ANKRD26: variants seen among roughly 807,000 people sequenced by gnomAD.
ANKRD26 encodes ankyrin repeat domain 26, also known as ankyrin repeat domain-containing protein 26.
Under a neutral mutation model 208.7 loss-of-function variants are expected in ANKRD26, and 141 were observed. The observed-to-expected ratio is 0.68, with a 90% CI of 0.59 to 0.78. ANKRD26 has a LOEUF of 0.78. Ranked by LOEUF, ANKRD26 falls within the 30% of genes least tolerant of loss-of-function variation. The pLI is 0.00. For synonymous variants in ANKRD26, 636 were observed against 660.4 expected (o/e 0.96, Z 0.57); for missense variants, 1,889 against 1,938.7 (o/e 0.97, Z 0.48).
At chr10:27,053,965 C>T (rs2054753386) in intron 15 of ANKRD26, among the ~76,000 whole-genome samples, 1 of 152,142 alleles carries the variant, frequency 6.6e-6, no homozygotes, top group Non-Finnish European at 1.5e-5. Context: ...GTACATCACG[C>T]TCCTTACATC....
At chr10:27,047,736 A>ATT (rs1564388452) in intron 17 of ANKRD26, among the ~76,000 whole-genome samples, 11 of 48,824 alleles carry the variant, frequency 2.3e-4, no homozygotes, top group Admixed American at 4.7e-4. Context: ...TAATAATAAT[A>ATT]ATAATTATTA....
intron 1 of ANKRD26, among the ~76,000 whole-genome samples, chr10:27,094,393 T>C (rs1462117039): frequency 6.6e-6 from 1 of 152,182 alleles, no homozygotes; most frequent in South Asian, 2.1e-4. Context: ...GAGCAACCTA[T>C]CTGAATAGAA....
intron 13 of ANKRD26, among the ~76,000 whole-genome samples, 176 bp from the exon 14 acceptor site, chr10:27,060,716 G>GA (rs2055024388): frequency 6.6e-6 from 1 of 151,912 alleles, no homozygotes; most frequent in South Asian, 2.1e-4. Flanking sequence ...GTATACTGGA[G>GA]AAAAAAACAG....
chr10:27,040,443 T>C (rs1447222377), intron 20 of ANKRD26, among the ~76,000 whole-genome samples: 1 of 152,156 alleles, frequency 6.6e-6, no homozygotes, highest in Non-Finnish European at 1.5e-5. Flanking sequence ...GAAACAGAGT[T>C]CTATGACCAC....
chr10:26,991,389 T>C (rs570387199), downstream of ANKRD26, among the ~76,000 whole-genome samples: 1 of 152,266 alleles, frequency 6.6e-6, no homozygotes, highest in African/African-American at 2.4e-5. Flanking sequence ...AAAGATGATT[T>C]TGAGGGCTTC....
chr10:27,043,038 A>G (rs957817591), intron 20 of ANKRD26, among the ~76,000 whole-genome samples: 1 of 151,774 alleles, frequency 6.6e-6, no homozygotes, highest in Non-Finnish European at 1.5e-5. Context: ...TGTTATGCAA[A>G]GACTTCTTAA....
In ANKRD26 at chr10:27,060,538, ACT is replaced by A. The variant is rs2055018044; in HGVS notation, c.1463_1464del (p.Glu488ValfsTer3). On this transcript the variant is annotated frameshift_variant and splice_region_variant, in exon 14 of 34. Coordinates refer to ENST00000376087, the MANE Select transcript of ANKRD26 (RefSeq NM_014915.3). LOFTEE classifies it high-confidence loss of function. ...RNVGMPVAHM[E>X]SPERYLHLKP... ...TTCAAGTGAAGATATCTCTCAGGAG[ACT>A]CTAAAAACCAAAAGGGACATATAAT... is the stretch of plus-strand genomic sequence containing the variant. 6.5e-7 allele frequency: 1 copy of A among 1,530,842 alleles called. No homozygotes were observed. The highest frequency in any genetic ancestry group is 1.4e-5 in the African/African-American group (1 of 72,808). The allele number at this position is 1,530,842 out of a possible 1,614,324, so 94.8% of individuals were successfully genotyped here. A position where few individuals can be genotyped will look rare whatever the true frequency, so the allele number is the denominator to read the frequency against.
At chr10:27,072,546 C>A (rs1172876301) in intron 9 of ANKRD26, among the ~76,000 whole-genome samples, 2 of 152,254 alleles carry the variant, frequency 1.3e-5, no homozygotes, top group East Asian at 3.9e-4. Flanking sequence ...GATCCATGGC[C>A]CCAACCATTG....
In ANKRD26 at chr10:26,978,792, C is replaced by T. The variant is rs183821947; in HGVS notation, c.*281+1784G>A. On this transcript the variant is annotated intron_variant and NMD_transcript_variant, in intron 5 of 5. Transcript: ENST00000674670. ...AATGCGGCTGCAACACAGTAATCAC[C>T]GTTGGACAGAGATAAACATTTTATA... Among the ~76,000 whole-genome samples the T allele has an allele frequency of 2.2e-4, 34 of 152,250 alleles. No homozygotes were observed. The East Asian group carries it at 5.8e-3, about 26-fold the overall frequency.
chr10:27,046,076 A>C (rs529923249), intron 18 of ANKRD26: 120 of 338,628 alleles, frequency 3.5e-4, no homozygotes, highest in African/African-American at 2.3e-3. Flanking sequence ...GGCTCCCTTG[A>C]ATCCCACATT....
chr10:27,033,541 A>G (rs2053949686), intron 24 of ANKRD26, among the ~76,000 whole-genome samples, 164 bp from the exon 25 acceptor site: 1 of 152,216 alleles, frequency 6.6e-6, no homozygotes, highest in South Asian at 2.1e-4. Flanking sequence ...ATTGCTGTTT[A>G]TTACTGAATT....
At chr10:27,049,842 A>C (rs1332731571) in intron 16 of ANKRD26, among the ~76,000 whole-genome samples, 1 of 152,240 alleles carries the variant, frequency 6.6e-6, no homozygotes, top group Non-Finnish European at 1.5e-5. Context: ...AAATTCATCA[A>C]ATTAATCAGA....
At chr10:26,962,420 C>T in the ANKRD26 span, among the ~76,000 whole-genome samples, 14 of 151,988 alleles carry the variant, frequency 9.2e-5, no homozygotes, top group African/African-American at 3.1e-4. Context: ...ACTAAAAATA[C>T]AAAAATTAGC....
chr10:27,077,580 G>C (rs370283293), intron 8 of ANKRD26, 40 bp from the exon 9 acceptor site: 3 of 1,610,312 alleles, frequency 1.9e-6, no homozygotes, highest in Non-Finnish European at 2.5e-6. Context: ...GAAAATATAT[G>C]TAATTAAGAA....
At chr10:27,059,482 T>G (rs1171405076) in intron 15 of ANKRD26, among the ~76,000 whole-genome samples, 1 of 152,148 alleles carries the variant, frequency 6.6e-6, no homozygotes, top group Non-Finnish European at 1.5e-5. Context: ...TAAAAGAGCA[T>G]GGGAATGGGA....
chr10:27,045,185 A>G (rs1425923756), intron 18 of ANKRD26, among the ~76,000 whole-genome samples: 1 of 152,166 alleles, frequency 6.6e-6, no homozygotes, highest in East Asian at 1.9e-4. Context: ...GCACTTTGGG[A>G]GGCCAAGGTG....
intron 9 of ANKRD26, among the ~76,000 whole-genome samples, chr10:27,076,765 G>A (rs933978600): frequency 2.6e-5 from 4 of 151,882 alleles, no homozygotes; most frequent in Admixed American, 2.0e-4. Context: ...GAAAAATTCC[G>A]GGAAACACGT....
Position 27,005,142 on chromosome 10 carries a change from GC to G in ANKRD26, c.*447del. The G allele has an allele frequency of 1.0e-6, 1 of 986,390 alleles. No homozygotes were observed. The highest frequency in any genetic ancestry group is 1.2e-6 in the Non-Finnish European group (1 of 830,592). 61.1% of individuals were successfully genotyped at this position (986,390 alleles called of 1,614,324 possible). A position where few individuals can be genotyped will look rare whatever the true frequency, so the allele number is the denominator to read the frequency against. On this transcript the variant is annotated 3_prime_UTR_variant, in exon 34 of 34. Transcript: ENST00000376087. ...CCTGAGAACAGCTATATAAATCAGT[GC>G]TTAAAATTAAAATTATGTAAATTTG...
rs1477231210 is a variant in ANKRD26, at chr10:27,014,718, C to G, written c.4507-7G>C. The G allele has an allele frequency of 6.2e-7, 1 of 1,607,536 alleles. No homozygotes were observed. The highest frequency in any genetic ancestry group is 2.2e-5 in the East Asian group (1 of 44,700). ...CTTGAGATGCTGCTTGTGCCTAAAACAAATTAAAAGCATATGTTTTAAAAA... is the reference window on the plus strand; with the variant it reads ...CTTGAGATGCTGCTTGTGCCTAAAAGAAATTAAAAGCATATGTTTTAAAAA... On this transcript the variant is annotated splice_region_variant and splice_polypyrimidine_tract_variant and intron_variant, in intron 30 of 33. Coordinates refer to ENST00000376087, the MANE Select transcript of ANKRD26 (RefSeq NM_014915.3).
Sources: gnomAD v4.1 joint callset for allele counts (sites outside exome capture counted in the v4.1 genomes callset) on GRCh38, gnomAD v4.1.1 for gene constraint, MANE v1.5 for transcripts, NCBI Gene and HGNC (gene_info 2026-07-23, HGNC 2026-07-21) for gene names.